Variants in GABRB1 observed in about 807,000 individuals in gnomAD.
GABRB1 encodes gamma-aminobutyric acid type A receptor subunit beta1.
A neutral mutation model predicts 51.6 loss-of-function variants in GABRB1; 17 were observed. That is an observed-to-expected ratio of 0.33 (90% CI 0.23 to 0.49). The LOEUF is 0.49. GABRB1 is among the 20% of genes least tolerant of loss of function. The pLI is 0.99. For synonymous variants in GABRB1, 247 were observed against 218.9 expected (o/e 1.13, Z -1.14); for missense variants, 410 against 600.6 (o/e 0.68, Z 3.32).
At chr4:47,374,531 T>C (rs574115184) in intron 5 of GABRB1, among the ~76,000 whole-genome samples, 1 of 152,190 alleles carries the variant, frequency 6.6e-6, no homozygotes, top group South Asian at 2.1e-4. Context: ...AGGAGTAGAG[T>C]AGCGAGGGGA....
chr4:47,401,258 A>G (rs1728373300), intron 5 of GABRB1, among the ~76,000 whole-genome samples: 1 of 152,270 alleles, frequency 6.6e-6, no homozygotes, highest in African/African-American at 2.4e-5. Flanking sequence ...TCAAAAAACA[A>G]TAGATGTTGT....
intron 4 of GABRB1, among the ~76,000 whole-genome samples, chr4:47,216,164 A>C (rs1265475175): frequency 1.3e-5 from 2 of 152,028 alleles, no homozygotes; most frequent in Non-Finnish European, 2.9e-5. Context: ...AAACTTTAGC[A>C]GTTCAGAGCT....
chr4:47,114,471 G>A (rs1715380742), intron 3 of GABRB1, among the ~76,000 whole-genome samples: 1 of 152,058 alleles, frequency 6.6e-6, no homozygotes, highest in South Asian at 2.1e-4. Context: ...ATATTTTGTG[G>A]CCATCTGCCA....
At chr4:47,351,801 C>A (rs1438504510) in intron 5 of GABRB1, among the ~76,000 whole-genome samples, 1 of 151,732 alleles carries the variant, frequency 6.6e-6, no homozygotes, top group Non-Finnish European at 1.5e-5. Flanking sequence ...TCTTAATCCA[C>A]TCTATCATTG....
At chr4:47,062,289 G>A (rs986907294) in intron 3 of GABRB1, among the ~76,000 whole-genome samples, 10 of 151,324 alleles carry the variant, frequency 6.6e-5, no homozygotes, top group South Asian at 2.1e-4. Context: ...AGGTCAAGTC[G>A]GAAGCAATGT....
At chr4:47,297,009 A>C (rs1480457810) in intron 4 of GABRB1, among the ~76,000 whole-genome samples, 2 of 152,184 alleles carry the variant, frequency 1.3e-5, no homozygotes, top group Admixed American at 6.5e-5. Context: ...CTGAATGACT[A>C]CTGGGTACAT....
At chr4:47,332,927 G>A (rs979184770) in intron 5 of GABRB1, among the ~76,000 whole-genome samples, 1 of 151,594 alleles carries the variant, frequency 6.6e-6, no homozygotes, top group East Asian at 1.9e-4. Flanking sequence ...CTGGCAGAAG[G>A]CTCCATTTTT....
intron 3 of GABRB1, among the ~76,000 whole-genome samples, chr4:47,145,934 T>C (rs558912058): frequency 6.6e-6 from 1 of 151,980 alleles, no homozygotes; most frequent in Non-Finnish European, 1.5e-5. Context: ...CAGCACAGCC[T>C]TTTTTTTCTT....
chr4:47,005,242 C>T (rs550780012), intron 1 of GABRB1, among the ~76,000 whole-genome samples: 2 of 152,280 alleles, frequency 1.3e-5, no homozygotes, highest in South Asian at 2.1e-4. Flanking sequence ...CACGGTGAAA[C>T]CCCGTCTCTA....
intron 4 of GABRB1, among the ~76,000 whole-genome samples, chr4:47,240,322 G>A (rs1721476052): frequency 6.6e-6 from 1 of 152,172 alleles, no homozygotes; most frequent in South Asian, 2.1e-4. Flanking sequence ...GCCGATCAAA[G>A]TCCCTATTTT....
chr4:47,354,453 G>A (rs1726477419), intron 5 of GABRB1, among the ~76,000 whole-genome samples: 1 of 152,104 alleles, frequency 6.6e-6, no homozygotes, highest in African/African-American at 2.4e-5. Context: ...CACACACTCT[G>A]TCAAATTCAT....
At chr4:47,378,701 G>A (rs559521187) in intron 5 of GABRB1, among the ~76,000 whole-genome samples, 17 of 152,274 alleles carry the variant, frequency 1.1e-4, no homozygotes, top group African/African-American at 4.1e-4. Flanking sequence ...GGCCAGGCTG[G>A]TCTCAAACTC....
At chr4:47,272,106 G>T (rs368025168) in intron 4 of GABRB1, among the ~76,000 whole-genome samples, 1 of 152,080 alleles carries the variant, frequency 6.6e-6, no homozygotes, top group Admixed American at 6.6e-5. Flanking sequence ...TAGTTCTATA[G>T]GATTTAGAAT....
At chr4:47,262,068 T>C (rs1237087927) in intron 4 of GABRB1, among the ~76,000 whole-genome samples, 2 of 151,536 alleles carry the variant, frequency 1.3e-5, no homozygotes, top group African/African-American at 2.4e-5. Flanking sequence ...ACTTAAATGT[T>C]AGACCTAAAA....
intron 4 of GABRB1, among the ~76,000 whole-genome samples, chr4:47,164,275 T>C (rs960997050): frequency 1.3e-5 from 2 of 152,074 alleles, no homozygotes; most frequent in African/African-American, 4.8e-5. Flanking sequence ...TGTGATCCTA[T>C]GTATTAGGGC....
At chr4:47,223,869 C>T (rs1376451751) in intron 4 of GABRB1, among the ~76,000 whole-genome samples, 1 of 152,108 alleles carries the variant, frequency 6.6e-6, no homozygotes, top group Admixed American at 6.6e-5. Flanking sequence ...ACTCTCTCTT[C>T]CACTAAAGCT....
chr4:47,025,561 T>A lies in GABRB1; in HGVS notation c.-19-6353T>A, dbSNP rs141214937. On this transcript the variant is annotated intron_variant, in intron 1 of 3. Transcript: ENST00000513567. ...TTAATTAATTACTGTCACTATGTCA[T>A]ATTCTCAGTCCAGGTTTTTCTAAAT... Among the ~76,000 whole-genome samples the A allele has an allele frequency of 8.1e-3, 1,239 of 152,086 alleles. 14 individuals are homozygous for A. The highest frequency in any genetic ancestry group is 0.028 in the African/African-American group (1,150 of 41,554).
At chr4:47,251,141 C>T (rs1721972085) in intron 4 of GABRB1, among the ~76,000 whole-genome samples, 1 of 152,134 alleles carries the variant, frequency 6.6e-6, no homozygotes, top group African/African-American at 2.4e-5. Context: ...ATAGGGTGTT[C>T]CCTTGATGCA....
intron 4 of GABRB1, among the ~76,000 whole-genome samples, chr4:47,318,149 T>C (rs576180415): frequency 6.6e-6 from 1 of 151,960 alleles, no homozygotes; most frequent in Non-Finnish European, 1.5e-5. Flanking sequence ...AAATTATCTT[T>C]TTGCAGCTCA....
Sources: allele counts gnomAD v4.1 joint callset (sites outside exome capture counted in the v4.1 genomes callset), GRCh38; gene constraint gnomAD v4.1.1; transcripts MANE v1.5; gene names NCBI Gene and HGNC (gene_info 2026-07-23, HGNC 2026-07-21).